The following TLL1 variants were observed in gnomAD, a reference collection of about 807,000 sequenced individuals.
TLL1 encodes tolloid like 1.
TLL1 carries 49 observed loss-of-function variants against 128.2 expected under a neutral mutation model. The ratio of observed to expected loss-of-function variants is 0.38; its 90% CI spans 0.30 to 0.48. TLL1 has a LOEUF of 0.48. TLL1 is among the 20% of genes least tolerant of loss of function. The probability of loss-of-function intolerance (pLI) is 0.96; values close to 1 mark genes in which losing one functional copy is unlikely to be tolerated. For missense variants in TLL1, 1,123 were observed against 1,242.0 expected (o/e 0.90, Z 1.44); for synonymous variants, 454 against 418.8 (o/e 1.08, Z -1.03).
intron 9 of TLL1, among the ~76,000 whole-genome samples, chr4:166,029,809 C>G (rs1246610633): frequency 6.6e-6 from 1 of 152,052 alleles, no homozygotes; most frequent in Non-Finnish European, 1.5e-5. Context: ...CCTCAAGATT[C>G]ATCCATGTGA....
intron 1 of TLL1, among the ~76,000 whole-genome samples, chr4:165,955,786 G>T (rs1042193954): frequency 1.3e-5 from 2 of 152,240 alleles, no homozygotes; most frequent in African/African-American, 4.8e-5. Flanking sequence ...GTCTTTAAAG[G>T]AGTTCTAAAC....
At chr4:166,061,514 G>A (rs765982433) in intron 15 of TLL1, among the ~76,000 whole-genome samples, 12 of 151,936 alleles carry the variant, frequency 7.9e-5, no homozygotes, top group Non-Finnish European at 1.5e-4. Context: ...AGAAGTGCTG[G>A]GATTACAGGC....
At chr4:166,072,606 T>C (rs1313395205) in intron 16 of TLL1, among the ~76,000 whole-genome samples, 2 of 151,952 alleles carry the variant, frequency 1.3e-5, no homozygotes, top group African/African-American at 4.8e-5. Flanking sequence ...AATCTTGAAA[T>C]TAATTATACT....
chr4:166,017,679 C>T (rs1296343151), intron 8 of TLL1, among the ~76,000 whole-genome samples: 1 of 151,694 alleles, frequency 6.6e-6, no homozygotes, highest in African/African-American at 2.4e-5. Flanking sequence ...AGCCCCCTCC[C>T]TTCCTCTTGT....
chr4:165,976,848 G>C (rs1160461777), intron 1 of TLL1, among the ~76,000 whole-genome samples: 1 of 152,188 alleles, frequency 6.6e-6, no homozygotes, highest in East Asian at 1.9e-4. Context: ...GTGCAGCCCA[G>C]GATGGCTTTG....
intron 1 of TLL1, among the ~76,000 whole-genome samples, chr4:165,916,714 A>G (rs1018067170): frequency 2.6e-5 from 4 of 152,142 alleles, no homozygotes; most frequent in Non-Finnish European, 5.9e-5. Context: ...AAATAAGGAA[A>G]GTGATGCTCA....
intron 18 of TLL1, among the ~76,000 whole-genome samples, chr4:166,088,445 A>G (rs1741618976): frequency 6.6e-6 from 1 of 152,048 alleles, no homozygotes; most frequent in Non-Finnish European, 1.5e-5. Flanking sequence ...GTCACTGTGT[A>G]TGGAAGGTTC....
intron 1 of TLL1, among the ~76,000 whole-genome samples, chr4:165,893,136 G>A (rs867975235): frequency 6.6e-6 from 1 of 152,016 alleles, no homozygotes; most frequent in African/African-American, 2.4e-5. Context: ...AAAGATATTT[G>A]GTCCAAATTG....
At chr4:165,893,746 T>A (rs1020794673) in intron 1 of TLL1, among the ~76,000 whole-genome samples, 1 of 152,086 alleles carries the variant, frequency 6.6e-6, no homozygotes, top group African/African-American at 2.4e-5. Context: ...AACTTCATAA[T>A]TTATTGAGCG....
chr4:165,988,644 A>T (rs1051315504), intron 1 of TLL1, among the ~76,000 whole-genome samples: 1 of 151,954 alleles, frequency 6.6e-6, no homozygotes, highest in African/African-American at 2.4e-5. Flanking sequence ...AAAATAATAA[A>T]AATAATAATA....
chr4:165,885,824 A>G (rs1731143489), intron 1 of TLL1, among the ~76,000 whole-genome samples: 1 of 152,170 alleles, frequency 6.6e-6, no homozygotes, highest in South Asian at 2.1e-4. Context: ...ATAGGCAACA[A>G]AACTACAGGA....
intron 19 of TLL1, among the ~76,000 whole-genome samples, chr4:166,094,534 C>T (rs537996673): frequency 2.2e-4 from 34 of 152,198 alleles, no homozygotes; most frequent in African/African-American, 7.2e-4. Context: ...TTAGGCAAAA[C>T]GGGCCATGGA....
intron 7 of TLL1, among the ~76,000 whole-genome samples, chr4:166,009,376 A>T (rs1162545579): frequency 6.6e-6 from 1 of 151,492 alleles, no homozygotes; most frequent in Non-Finnish European, 1.5e-5. Flanking sequence ...AGAGTAGAGA[A>T]AAACAATTTA....
At chr4:166,089,028 T>C (rs1741645728) in intron 18 of TLL1, among the ~76,000 whole-genome samples, 1 of 152,108 alleles carries the variant, frequency 6.6e-6, no homozygotes, top group Admixed American at 6.6e-5. Flanking sequence ...ACCTCCAACT[T>C]TCTTAAAATA....
chr4:165,976,957 G>A (rs934034045), intron 1 of TLL1, among the ~76,000 whole-genome samples: 1 of 152,072 alleles, frequency 6.6e-6, no homozygotes, highest in Non-Finnish European at 1.5e-5. Flanking sequence ...TAGTGTTAGC[G>A]TATTTTATGT....
At chr4:165,960,755 C>T (rs11727776) in intron 1 of TLL1, among the ~76,000 whole-genome samples, 85,607 of 151,844 alleles carry the variant, frequency 0.56, 26,699 homozygotes, top group Admixed American at 0.71. Context: ...GATATAATCC[C>T]GCCTCCCTTC....
rs115880026 is a variant in TLL1 at position 166,044,830 on chromosome 4, A to C, written c.1524+1411A>C. 4.3e-3 allele frequency among the ~76,000 whole-genome samples: 650 copies of C among 152,326 alleles called. 4 individuals are homozygous for C. The highest frequency in any genetic ancestry group is 7.8e-3 in the Non-Finnish European group (530 of 68,006). On this transcript the variant is annotated intron_variant, in intron 12 of 20. Coordinates refer to ENST00000061240, the MANE Select transcript of TLL1 (RefSeq NM_012464.5). ...GAGATTAACTGTCTTTTAATATGTA[A>C]TTCAGTTTTTTTGTGGAATTCTATT...
chr4:165,929,537 C>CAAA (rs71604413), intron 1 of TLL1, among the ~76,000 whole-genome samples: 5 of 134,128 alleles, frequency 3.7e-5, no homozygotes, highest in African/African-American at 8.7e-5. Flanking sequence ...GACTCCATCT[C>CAAA]AAAAAAAAAA....
chr4:166,046,393 T>C (rs1739462865), intron 12 of TLL1, among the ~76,000 whole-genome samples: 1 of 152,198 alleles, frequency 6.6e-6, no homozygotes, highest in South Asian at 2.1e-4. Context: ...GATTTAAAGG[T>C]GCCTAATAGA....
Sources: gnomAD v4.1 joint callset for allele counts (sites outside exome capture counted in the v4.1 genomes callset) on GRCh38, gnomAD v4.1.1 for gene constraint, MANE v1.5 for transcripts, NCBI Gene and HGNC (gene_info 2026-07-23, HGNC 2026-07-21) for gene names.